The following SESTD1 variants were observed in gnomAD, a reference collection of about 807,000 sequenced individuals.
SESTD1 encodes the protein SEC14 and spectrin domain containing 1.
In SESTD1, 43 loss-of-function variants were observed where a neutral mutation model predicts 101.7. That is an observed-to-expected ratio of 0.42 (90% CI 0.33 to 0.55). The LOEUF (loss-of-function observed/expected upper bound fraction) is 0.55, where lower values mean the gene tolerates loss of function less well. Ranked by LOEUF, SESTD1 falls within the 20% of genes least tolerant of loss-of-function variation. The pLI is 0.07. For missense variants in SESTD1, 647 were observed against 815.1 expected, an observed-to-expected ratio of 0.79 and a Z score of 2.51; for synonymous variants, 283 against 286.8, an observed-to-expected ratio of 0.99 and a Z score of 0.13.
intron 1 of SESTD1, among the ~76,000 whole-genome samples, chr2:179,233,463 TG>T (rs751753988): frequency 4.6e-5 from 7 of 152,256 alleles, no homozygotes; most frequent in Admixed American, 6.5e-5. Flanking sequence ...CTTTTGCTTT[TG>T]TTTTTTTAAG....
At chr2:179,185,682 T>TATATATAATATAGCATATTATATACA (rs2046209899) in intron 2 of SESTD1, among the ~76,000 whole-genome samples, 16 of 107,836 alleles carry the variant, frequency 1.5e-4, no homozygotes, top group Non-Finnish European at 2.7e-4. Context: ...TATAGCATAT[T>TATATATAATATAGCATATTATATACA]ATATATAATA....
chr2:179,143,881 T>C (rs1441336961), intron 8 of SESTD1, 78 bp from the exon 9 acceptor site: 1 of 1,468,144 alleles, frequency 6.8e-7, no homozygotes, highest in Non-Finnish European at 9.2e-7. Context: ...CCAATTCTAG[T>C]CCCTTGTTTT....
intron 1 of SESTD1, among the ~76,000 whole-genome samples, chr2:179,223,882 A>C (rs144310584): frequency 4.6e-5 from 7 of 152,346 alleles, no homozygotes; most frequent in African/African-American, 7.2e-5. Context: ...CTCAAGGGAA[A>C]ATTATAAAGG....
chr2:179,237,852 G>A (rs1422988154), intron 1 of SESTD1, among the ~76,000 whole-genome samples: 1 of 151,978 alleles, frequency 6.6e-6, no homozygotes. Flanking sequence ...ATCCAGTCAT[G>A]GCATACAAAT....
rs2044361475 is a variant in SESTD1 at position 179,105,470 on chromosome 2, AGTGT to A, written c.*4425_*4428del. 6.6e-6 allele frequency: 1 copy of A among 151,650 alleles called. No individual in the cohort carries two copies. 9.4% of individuals were successfully genotyped at this position (151,650 alleles called of 1,614,324 possible). A position where few individuals can be genotyped will look rare whatever the true frequency, so the allele number is the denominator to read the frequency against. On this transcript the variant is annotated 3_prime_UTR_variant, in exon 18 of 18. Coordinates refer to ENST00000428443, the MANE Select transcript of SESTD1 (RefSeq NM_178123.5). ...TACCAACTGGACCTTTTGTATCTTC[AGTGT>A]GTAATTCTGAAGATGCATTCTGATA...
At chr2:179,224,283 A>C (rs891001080) in intron 1 of SESTD1, among the ~76,000 whole-genome samples, 2 of 152,228 alleles carry the variant, frequency 1.3e-5, no homozygotes, top group Non-Finnish European at 2.9e-5. Context: ...CAACTATCCT[A>C]CTTAGTTAAA....
chr2:179,177,603 C>T (rs1455674450), intron 3 of SESTD1, among the ~76,000 whole-genome samples: 1 of 152,100 alleles, frequency 6.6e-6, no homozygotes, highest in Non-Finnish European at 1.5e-5. Flanking sequence ...ACACTAAGAC[C>T]ACAAGAAATG....
intron 1 of SESTD1, among the ~76,000 whole-genome samples, chr2:179,218,577 T>TTA (rs1674077574): frequency 6.6e-6 from 1 of 152,074 alleles, no homozygotes; most frequent in African/African-American, 2.4e-5. Context: ...AAAAAACTAA[T>TTA]ATCATTTCTA....
intron 1 of SESTD1, among the ~76,000 whole-genome samples, chr2:179,242,767 G>C (rs192581217): frequency 6.6e-6 from 1 of 152,028 alleles, no homozygotes; most frequent in Non-Finnish European, 1.5e-5. Flanking sequence ...GAATGAAACC[G>C]GACAGTACCT....
chr2:179,214,879 T>C (rs1476820441), intron 1 of SESTD1, among the ~76,000 whole-genome samples: 1 of 135,276 alleles, frequency 7.4e-6, no homozygotes, highest in Non-Finnish European at 1.6e-5. Context: ...ATCCTGCTCC[T>C]GAATGACTAC....
intron 2 of SESTD1, among the ~76,000 whole-genome samples, chr2:179,185,604 A>G (rs1278491370): frequency 7.8e-6 from 1 of 127,816 alleles, no homozygotes; most frequent in Non-Finnish European, 1.5e-5. Flanking sequence ...TATTATATAC[A>G]TATATAACAC....
At position 179,104,481 on chromosome 2, in the gene SESTD1, T is replaced by C. The variant is rs2044337841; in HGVS notation, c.*5418A>G. 1 of 152,122 alleles carries C rather than the reference T, an allele frequency of 6.6e-6. No homozygotes were observed. Among genetic ancestry groups the C allele is most frequent in the Non-Finnish European group, 1.5e-5 (1 of 68,022 alleles). 9.4% of individuals were successfully genotyped at this position (152,122 alleles called of 1,614,324 possible). On this transcript the variant is annotated 3_prime_UTR_variant, in exon 18 of 18. Transcript: ENST00000428443. ...AAAAGAAGTGAGGCTTGGTCATAAATAGTGAGTGGTCTACTGTGTTCTGAG... is the reference window on the plus strand; with the variant it reads ...AAAAGAAGTGAGGCTTGGTCATAAACAGTGAGTGGTCTACTGTGTTCTGAG...
At position 179,121,765 on chromosome 2, in the gene SESTD1, T is replaced by C. The variant is rs1438655887; in HGVS notation, c.1442+5A>G. 6.4e-7 allele frequency: 1 copy of C among 1,560,348 alleles called. No individual in the cohort carries two copies. The highest frequency in any genetic ancestry group is 1.4e-5 in the African/African-American group (1 of 72,080). On this transcript the variant is annotated splice_donor_5th_base_variant and intron_variant, in intron 13 of 17. Coordinates refer to ENST00000428443, the MANE Select transcript of SESTD1 (RefSeq NM_178123.5). ...AGTAAAAAGTAATTAACGGTCAAAC[T>C]TTGCCTTTGTTTTCTAAGCTGCATA...
intron 1 of SESTD1, among the ~76,000 whole-genome samples, chr2:179,198,689 C>T (rs1433676000): frequency 1.3e-5 from 2 of 151,824 alleles, no homozygotes; most frequent in Non-Finnish European, 2.9e-5. Context: ...ACTGAACAAC[C>T]TGCTCCTGAA....
In SESTD1 at chr2:179,212,668, A is replaced by G. The variant is rs769608140; in HGVS notation, c.-25-20802T>C. ...CCCAACATGGCGTTTGAGCTCTGAG[A>G]ATGGACAGATTGCCTCTTCAAGTGG... On this transcript the variant is annotated intron_variant, in intron 1 of 17. Coordinates refer to ENST00000428443, the MANE Select transcript of SESTD1 (RefSeq NM_178123.5). Among the ~76,000 whole-genome samples, 13 of 135,488 alleles carry G rather than the reference A, an allele frequency of 9.6e-5. 3 individuals are homozygous for G. The highest frequency in any genetic ancestry group is 1.8e-4 in the Non-Finnish European group (11 of 62,782). 88.9% of individuals were successfully genotyped at this position (135,488 alleles called of 152,430 possible).
intron 10 of SESTD1, 59 bp downstream of exon 10, chr2:179,132,245 G>A (rs368842060): frequency 6.7e-7 from 1 of 1,485,514 alleles, no homozygotes. Flanking sequence ...TACCACATAT[G>A]CTACTAATTA....
intron 1 of SESTD1, among the ~76,000 whole-genome samples, chr2:179,206,296 G>A (rs1438783468): frequency 7.4e-6 from 1 of 135,898 alleles, no homozygotes; most frequent in African/African-American, 2.9e-5. Context: ...GCTTGCTGCT[G>A]CAAACACCAC....
chr2:179,233,298 C>G (rs2047011999), intron 1 of SESTD1, among the ~76,000 whole-genome samples: 1 of 152,082 alleles, frequency 6.6e-6, no homozygotes, highest in Non-Finnish European at 1.5e-5. Context: ...TTTGTATATT[C>G]TAAGATTGAG....
chr2:179,238,485 T>A lies in SESTD1; in HGVS notation c.-26+26014A>T, dbSNP rs138439141. ...GCTTATACATTTAGAAAAACAAAATTTGACAAATACTTTGACAATTATCTA... is the reference window on the plus strand; with the variant it reads ...GCTTATACATTTAGAAAAACAAAATATGACAAATACTTTGACAATTATCTA... On this transcript the variant is annotated intron_variant, in intron 1 of 17. Coordinates refer to ENST00000428443, the MANE Select transcript of SESTD1 (RefSeq NM_178123.5). 9.5e-3 allele frequency among the ~76,000 whole-genome samples: 1,447 copies of A among 152,264 alleles called. 14 individuals are homozygous for A. The highest frequency in any genetic ancestry group is 0.015 in the Non-Finnish European group (1,012 of 68,000).
Sources: gnomAD v4.1 joint callset for allele counts (sites outside exome capture counted in the v4.1 genomes callset) on GRCh38, gnomAD v4.1.1 for gene constraint, MANE v1.5 for transcripts, NCBI Gene and HGNC (gene_info 2026-07-23, HGNC 2026-07-21) for gene names.